The following NFKB1 variants were observed in gnomAD, a reference collection of about 807,000 sequenced individuals.
The protein encoded by NFKB1 is nuclear factor kappa B subunit 1.
A neutral mutation model predicts 105.1 loss-of-function variants in NFKB1; 9 were observed. The observed-to-expected ratio is 0.09, with a 90% CI of 0.05 to 0.15. NFKB1 has a LOEUF of 0.15. Among genes scored for constraint, NFKB1 ranks in the 10% least tolerant of loss-of-function variants. The pLI is 1.00. For synonymous variants in NFKB1, 440 were observed against 442.2 expected, an observed-to-expected ratio of 1.00 and a Z score of 0.06; for missense variants, 830 against 1,203.7, an observed-to-expected ratio of 0.69 and a Z score of 4.59.
chr4:102,514,114 G>T (rs1193229941), intron 1 of NFKB1, among the ~76,000 whole-genome samples: 1 of 151,896 alleles, frequency 6.6e-6, no homozygotes, highest in Non-Finnish European at 1.5e-5. Context: ...GGCAGAGCTT[G>T]CAGTGAGCCG....
intron 1 of NFKB1, among the ~76,000 whole-genome samples, chr4:102,525,050 C>T (rs1414559116): frequency 6.6e-6 from 1 of 152,172 alleles, no homozygotes; most frequent in East Asian, 1.9e-4. Context: ...TGATCAGTCC[C>T]TTTTGAGCTT....
chr4:102,551,436 A>G (rs757256518), intron 5 of NFKB1, among the ~76,000 whole-genome samples: 3 of 151,282 alleles, frequency 2.0e-5, no homozygotes, highest in Admixed American at 6.6e-5. Flanking sequence ...CCTTGAGATC[A>G]CCTCCTGGCT....
chr4:102,587,158 G>A (rs530459429), intron 11 of NFKB1, among the ~76,000 whole-genome samples: 359 of 152,290 alleles, frequency 2.4e-3, no homozygotes, highest in Non-Finnish European at 3.9e-3. Context: ...TCGGCCTTCC[G>A]AGAGGCTGTC....
chr4:102,614,798 A>G (rs879727520), intron 23 of NFKB1, among the ~76,000 whole-genome samples: 21 of 152,004 alleles, frequency 1.4e-4, no homozygotes, highest in Admixed American at 6.5e-4. Context: ...CACCTTTTAA[A>G]GTCACAGCCC....
intron 8 of NFKB1, 93 bp downstream of exon 8, chr4:102,579,132 A>G (rs1725111889): frequency 1.5e-6 from 2 of 1,305,314 alleles, no homozygotes; most frequent in Non-Finnish European, 1.1e-6. Context: ...GGGGAAGGTA[A>G]CTTAATCACT....
rs768927474 is a variant in NFKB1 at position 102,543,604 on chromosome 4, T to TA, written c.258+5664dup. Among the ~76,000 whole-genome samples the TA allele has an allele frequency of 3.4e-3, 455 of 133,294 alleles. 2 individuals are homozygous for TA. Among genetic ancestry groups the TA allele is most frequent in the African/African-American group, 4.6e-3 (167 of 36,630 alleles). The allele number at this position is 133,294 out of a possible 152,430, so 87.4% of individuals were successfully genotyped here. A position where few individuals can be genotyped will look rare whatever the true frequency, so the allele number is the denominator to read the frequency against. On this transcript the variant is annotated intron_variant, in intron 5 of 23. Coordinates refer to ENST00000226574, the MANE Select transcript of NFKB1 (RefSeq NM_003998.4). Reference sequence around the variant, plus strand: ...TTGTTGTCCCCTTCCACTACTGATTTAAAAAAAAAAAAAAAAGGCTCCACT... The same window carrying TA: ...TTGTTGTCCCCTTCCACTACTGATTTAAAAAAAAAAAAAAAAAGGCTCCACT...
Position 102,567,706 on chromosome 4 carries a change from C to T in NFKB1, c.407+571C>T, listed in dbSNP as rs4648014. On this transcript the variant is annotated intron_variant, in intron 6 of 23. Transcript: ENST00000226574. ...GGCTTGAAATGTAAATAAAAAATGA[C>T]GTATTCATTTAAGGGTTGATCAAAT... is the stretch of plus-strand genomic sequence containing the variant. 8.7e-3 allele frequency among the ~76,000 whole-genome samples: 1,318 copies of T among 152,140 alleles called. 19 individuals carry two copies. The highest frequency in any genetic ancestry group is 0.03 in the African/African-American group (1,253 of 41,494).
intron 1 of NFKB1, among the ~76,000 whole-genome samples, chr4:102,504,243 A>T (rs1739279988): frequency 6.6e-6 from 1 of 152,176 alleles, no homozygotes; most frequent in African/African-American, 2.4e-5. Context: ...TAGATGTGCT[A>T]TTCTGAGTAT....
intron 6 of NFKB1, among the ~76,000 whole-genome samples, chr4:102,571,463 C>A (rs1040210117): frequency 5.9e-5 from 9 of 152,040 alleles, no homozygotes; most frequent in African/African-American, 2.2e-4. Flanking sequence ...CAATGGCAAC[C>A]AAAGCCAAAA....
At chr4:102,534,225 A>G (rs1353870775) in intron 4 of NFKB1, among the ~76,000 whole-genome samples, 2 of 152,162 alleles carry the variant, frequency 1.3e-5, no homozygotes, top group Non-Finnish European at 2.9e-5. Flanking sequence ...TTTATAAGGA[A>G]ATACGTATGC....
chr4:102,556,596 A>G (rs202015324), intron 5 of NFKB1, among the ~76,000 whole-genome samples: 1 of 152,182 alleles, frequency 6.6e-6, no homozygotes, highest in Non-Finnish European at 1.5e-5. Context: ...GAAACATGGA[A>G]TCTGTCATGA....
intron 5 of NFKB1, among the ~76,000 whole-genome samples, chr4:102,553,277 G>T (rs950027880): frequency 6.6e-6 from 1 of 152,118 alleles, no homozygotes; most frequent in Non-Finnish European, 1.5e-5. Flanking sequence ...TTCAGTGAAA[G>T]TGATAAAATA....
intron 5 of NFKB1, among the ~76,000 whole-genome samples, chr4:102,547,959 C>T (rs1165413512): frequency 1.3e-5 from 2 of 152,002 alleles, no homozygotes; most frequent in African/African-American, 2.4e-5. Flanking sequence ...TCTTGTTAGG[C>T]TCCTTAGTTG....
intron 3 of NFKB1, among the ~76,000 whole-genome samples, chr4:102,530,947 T>A (rs1433875130): frequency 6.6e-6 from 1 of 152,172 alleles, no homozygotes; most frequent in Non-Finnish European, 1.5e-5. Flanking sequence ...ATGTCTGAGA[T>A]CTTGTGAAGT....
intron 1 of NFKB1, 126 bp from the exon 2 acceptor site, chr4:102,525,386 C>A: frequency 1.2e-6 from 1 of 814,792 alleles, no homozygotes. Flanking sequence ...CTATGGTCTT[C>A]AAAAAAGGAT....
chr4:102,551,441 C>T (rs1722601615), intron 5 of NFKB1, among the ~76,000 whole-genome samples: 1 of 151,876 alleles, frequency 6.6e-6, no homozygotes, highest in Non-Finnish European at 1.5e-5. Flanking sequence ...AGATCACCTC[C>T]TGGCTAGATA....
chr4:102,606,472 A>G, intron 16 of NFKB1, 24 bp from the exon 17 acceptor site: 20 of 1,611,578 alleles, frequency 1.2e-5, no homozygotes, highest in Non-Finnish European at 1.5e-5. Flanking sequence ...TGACCAGTGA[A>G]TCTCCTGCCC....
chr4:102,616,505 G>A lies in NFKB1; in HGVS notation c.2821G>A (p.Glu941Lys), dbSNP rs373316062. The change falls in exon 24 of 24, where the codon GAG becomes AAG. Residue 941 changes from glutamate to lysine, a missense_variant. Physicochemically the swap from Glu to Lys is moderately conservative, Grantham distance 56. Coordinates refer to ENST00000226574, the MANE Select transcript of NFKB1 (RefSeq NM_003998.4). ...ATCCTTCCGCAAACTCAGCTTTACC[G>A]AGTCTCTGACCAGTGGTGCCTCACT... The part of the protein sequence containing the change: ...ETSFRKLSFT[E>K]SLTSGASLLT... 8.1e-6 allele frequency: 13 copies of A among 1,614,110 alleles called. No individual in the cohort carries two copies. The highest frequency in any genetic ancestry group is 1.1e-5 in the South Asian group (1 of 91,072).
intron 2 of NFKB1, among the ~76,000 whole-genome samples, chr4:102,527,166 A>G (rs917177692): frequency 2.6e-5 from 4 of 152,182 alleles, no homozygotes; most frequent in Admixed American, 1.3e-4. Flanking sequence ...AATTTCAGGA[A>G]CCTACTATTT....
Sources: allele counts gnomAD v4.1 joint callset (sites outside exome capture counted in the v4.1 genomes callset), GRCh38; gene constraint gnomAD v4.1.1; transcripts MANE v1.5; gene names NCBI Gene and HGNC (gene_info 2026-07-23, HGNC 2026-07-21).